Variants in MMP16 observed in about 807,000 individuals in gnomAD.
The protein encoded by MMP16 is matrix metalloproteinase-16.
MMP16 carries 12 observed loss-of-function variants against 67.8 expected under a neutral mutation model. That is an observed-to-expected ratio of 0.18 (90% confidence interval 0.11 to 0.29). MMP16 has a LOEUF of 0.29. Among genes scored for constraint, MMP16 ranks in the 10% least tolerant of loss-of-function variants. The probability of loss-of-function intolerance (pLI) is 1.00; values close to 1 mark genes in which losing one functional copy is unlikely to be tolerated. For synonymous variants in MMP16, 249 were observed against 255.9 expected (o/e 0.97, Z 0.26); for missense variants, 475 against 765.7 (o/e 0.62, Z 4.48).
At chr8:88,186,392 C>G in intron 3 of MMP16, 84 bp downstream of exon 3, 1 of 1,523,920 alleles carries the variant, frequency 6.6e-7, no homozygotes, top group East Asian at 2.3e-5. Context: ...ATGTAGTCAA[C>G]GTGCAGAAGA....
intron 1 of MMP16, among the ~76,000 whole-genome samples, chr8:88,243,745 C>T (rs1326973921): frequency 4.6e-5 from 7 of 152,070 alleles, no homozygotes; most frequent in African/African-American, 7.2e-5. Context: ...AAGCAGGGAT[C>T]GTTTGTGCTG....
Position 88,040,258 on chromosome 8 carries a change from CTGTT to C in MMP16, c.*1199_*1202del, listed in dbSNP as rs1490932360. Reference sequence around the variant, plus strand: ...AAAATTTTGGCAAGTAACATCATTTCTGTTTGTTATAAACACATTTATGTAGTCT... The same window carrying C: ...AAAATTTTGGCAAGTAACATCATTTCTGTTATAAACACATTTATGTAGTCT... On this transcript the variant is annotated 3_prime_UTR_variant, in exon 10 of 10. Transcript: ENST00000286614. The C allele has an allele frequency of 5.9e-5, 9 of 152,542 alleles. No individual in the cohort carries two copies. The highest frequency in any genetic ancestry group is 2.2e-4 in the African/African-American group (9 of 41,424). 9.4% of individuals were successfully genotyped at this position (152,542 alleles called of 1,614,324 possible). A position where few individuals can be genotyped will look rare whatever the true frequency, so the allele number is the denominator to read the frequency against.
intron 1 of MMP16, among the ~76,000 whole-genome samples, chr8:88,319,515 C>T (rs536550693): frequency 1.3e-5 from 2 of 151,886 alleles, no homozygotes; most frequent in South Asian, 4.2e-4. Context: ...AATGCACAGA[C>T]ATTAGAACCT....
intron 1 of MMP16, among the ~76,000 whole-genome samples, chr8:88,290,327 T>C (rs1293902619): frequency 6.6e-6 from 1 of 151,794 alleles, no homozygotes; most frequent in East Asian, 1.9e-4. Context: ...CCGAGGCGGG[T>C]GGATCACGAG....
chr8:88,197,433 G>A (rs1809274761), intron 1 of MMP16, 127 bp from the exon 2 acceptor site: 1 of 718,696 alleles, frequency 1.4e-6, no homozygotes, highest in East Asian at 3.4e-5. Flanking sequence ...TATTTTAAGT[G>A]TTTGATCTTT....
intron 1 of MMP16, among the ~76,000 whole-genome samples, chr8:88,299,950 C>A (rs1811072179): frequency 6.6e-6 from 1 of 152,014 alleles, no homozygotes; most frequent in Non-Finnish European, 1.5e-5. Context: ...GTGCTAGGTA[C>A]TAAATAGAAA....
At chr8:88,173,288 G>A (rs1305919780) in intron 3 of MMP16, among the ~76,000 whole-genome samples, 1 of 152,084 alleles carries the variant, frequency 6.6e-6, no homozygotes, top group Admixed American at 6.6e-5. Flanking sequence ...CTAGGCTCAA[G>A]CGATTCACTC....
At chr8:88,082,965 A>G (rs958180034) in intron 6 of MMP16, among the ~76,000 whole-genome samples, 1 of 152,060 alleles carries the variant, frequency 6.6e-6, no homozygotes, top group Non-Finnish European at 1.5e-5. Flanking sequence ...CTCTGATTGT[A>G]CATTAGTGGG....
At chr8:88,281,542 A>T in intron 1 of MMP16, among the ~76,000 whole-genome samples, 1 of 152,214 alleles carries the variant, frequency 6.6e-6, no homozygotes, top group East Asian at 1.9e-4. Context: ...CCAAATTAAA[A>T]TCCAGGCCTA....
At position 88,058,703 on chromosome 8, in the gene MMP16, T is replaced by A. The variant is rs1240177880; in HGVS notation, c.1223-2425A>T. 6.6e-6 allele frequency among the ~76,000 whole-genome samples: 1 copy of A among 152,022 alleles called. No individual in the cohort carries two copies. The highest frequency in any genetic ancestry group is 2.1e-4 in the South Asian group (1 of 4,828). On this transcript the variant is annotated intron_variant, in intron 7 of 9. Transcript: ENST00000286614. This position sits in a 1 kb window ranked among gnomAD's most constrained non-coding sequence, Gnocchi z 4.2. The stretch of plus-strand genomic sequence containing the variant: ...AAAGAAACATAAAGAATAAATGCCA[T>A]AATGGGAAGAAGCTTATTGTGCAGC...
At chr8:88,244,754 C>T (rs1394729539) in intron 1 of MMP16, among the ~76,000 whole-genome samples, 4 of 152,168 alleles carry the variant, frequency 2.6e-5, no homozygotes, top group Admixed American at 2.6e-4. Context: ...CTGGCTATAA[C>T]ATCTTTCTTT....
intron 7 of MMP16, among the ~76,000 whole-genome samples, chr8:88,071,947 G>A (rs1049178269): frequency 6.6e-6 from 1 of 152,016 alleles, no homozygotes; most frequent in Non-Finnish European, 1.5e-5. Flanking sequence ...TTAAGATATT[G>A]GGGATAAAAC....
At chr8:88,172,362 TATGCTTC>T (rs1430175275) in intron 3 of MMP16, among the ~76,000 whole-genome samples, 1 of 152,138 alleles carries the variant, frequency 6.6e-6, no homozygotes, top group Non-Finnish European at 1.5e-5. Context: ...GATATACAAG[TATGCTTC>T]AAAGTTAGAG....
At chr8:88,326,643 A>T (rs1036365964) in intron 1 of MMP16, among the ~76,000 whole-genome samples, 2 of 152,202 alleles carry the variant, frequency 1.3e-5, no homozygotes, top group Non-Finnish European at 2.9e-5. Context: ...TTTGATTTTT[A>T]ACCTCCTTTG....
intron 1 of MMP16, among the ~76,000 whole-genome samples, chr8:88,265,223 C>CTTTTTTTTTTTTTTTTTTTTTT (rs398008661): frequency 1.2e-4 from 12 of 100,756 alleles, no homozygotes; most frequent in African/African-American, 2.0e-4. Context: ...TGACCATTTC[C>CTTTTTTTTTTTTTTTTTTTTTT]TTTTTTTTTT....
chr8:88,183,505 T>C (rs374832159), intron 3 of MMP16, among the ~76,000 whole-genome samples: 1 of 152,184 alleles, frequency 6.6e-6, no homozygotes. Context: ...TAATGATAGT[T>C]TGTTTCTTTT....
At chr8:88,179,062 C>T (rs562863963) in intron 3 of MMP16, among the ~76,000 whole-genome samples, 12 of 151,610 alleles carry the variant, frequency 7.9e-5, no homozygotes, top group African/African-American at 2.2e-4. Context: ...TGAGGATGTA[C>T]CAAAATTAAT....
intron 1 of MMP16, among the ~76,000 whole-genome samples, chr8:88,271,742 A>C (rs910014374): frequency 3.9e-5 from 6 of 152,258 alleles, no homozygotes; most frequent in African/African-American, 1.4e-4. Context: ...AAATGCTAAA[A>C]TGGAAAAGAC....
chr8:88,099,279 C>T (rs1809089510), intron 6 of MMP16, among the ~76,000 whole-genome samples: 1 of 151,660 alleles, frequency 6.6e-6, no homozygotes, highest in Non-Finnish European at 1.5e-5. Context: ...TAAAATTTGT[C>T]ATATTTTTCA....
Sources: gnomAD v4.1 joint callset for allele counts (sites outside exome capture counted in the v4.1 genomes callset) on GRCh38, gnomAD v4.1.1 for gene constraint, Gnocchi (gnomAD v3.1) non-coding constraint, MANE v1.5 for transcripts, NCBI Gene and HGNC (gene_info 2026-07-23, HGNC 2026-07-21) for gene names.